The following HLCS variants were observed in gnomAD, a reference collection of about 807,000 sequenced individuals.
HLCS encodes the protein biotin--protein ligase.
Under a neutral mutation model 75.0 loss-of-function variants are expected in HLCS, and 53 were observed. The ratio of observed to expected loss-of-function variants is 0.71; its 90% CI spans 0.57 to 0.89. The LOEUF (loss-of-function observed/expected upper bound fraction) is 0.89. Among genes scored for constraint, HLCS ranks in the 40% least tolerant of loss-of-function variants. The pLI, the probability that HLCS is intolerant of heterozygous loss-of-function variation, is 0.00. For missense variants in HLCS, 966 were observed against 1,074.0 expected (o/e 0.90, Z 1.41); for synonymous variants, 431 against 428.6 (o/e 1.01, Z -0.07).
rs533325645 is a variant in HLCS at position 36,750,798 on chromosome 21, T to C, written c.*3448A>G. Reference sequence around the variant, plus strand: ...CTAAACTTAAGTATGACATATAAGATTAAAATCTTGGGGGGAAAAACTGTT... The same window carrying C: ...CTAAACTTAAGTATGACATATAAGACTAAAATCTTGGGGGGAAAAACTGTT... On this transcript the variant is annotated 3_prime_UTR_variant, in exon 11 of 11. Coordinates refer to ENST00000674895, the MANE Select transcript of HLCS (RefSeq NM_001352514.2). The C allele has an allele frequency of 2.0e-5, 3 of 151,068 alleles. No individual in the cohort carries two copies. The highest frequency in any genetic ancestry group is 4.9e-5 in the African/African-American group (2 of 40,936). 9.4% of individuals were successfully genotyped at this position (151,068 alleles called of 1,614,324 possible).
chr21:36,867,674 C>A (rs773312942), intron 6 of HLCS, among the ~76,000 whole-genome samples: 1 of 152,210 alleles, frequency 6.6e-6, no homozygotes, highest in Non-Finnish European at 1.5e-5. Context: ...CCCCTGTCAG[C>A]CTGGGTCTCT....
At position 36,756,576 on chromosome 21, in the gene HLCS, C is replaced by T. The variant is rs368124997; in HGVS notation, c.2416G>A (p.Val806Ile). Residue 806 changes from valine to isoleucine, a missense_variant, in exon 10 of 11, where the codon GTC becomes ATC. By Grantham distance (29) the Val-to-Ile change is conservative. Transcript: ENST00000674895. ...CAGTATCGGTAATAAAGGGGAAGGA[C>T]GCTGTTGGGCCCTTTGTCCTGAAAC... Reference protein sequence around the residue: ...KEFQDKGPNSVLPLYYRYWVH... With the variant: ...KEFQDKGPNSILPLYYRYWVH... 1.2e-4 allele frequency: 189 copies of T among 1,613,282 alleles called. No homozygotes were observed. Among genetic ancestry groups the T allele is most frequent in the Non-Finnish European group, 1.5e-4 (179 of 1,179,786 alleles).
chr21:36,932,060 G>T (rs2066672088), intron 4 of HLCS, among the ~76,000 whole-genome samples: 1 of 152,144 alleles, frequency 6.6e-6, no homozygotes, highest in African/African-American at 2.4e-5. Flanking sequence ...TCCTGGCCAG[G>T]GCTGACTCCC....
chr21:36,898,049 G>A (rs2065083323), intron 5 of HLCS, among the ~76,000 whole-genome samples: 1 of 152,166 alleles, frequency 6.6e-6, no homozygotes, highest in African/African-American at 2.4e-5. Flanking sequence ...TGGCATCAGA[G>A]ATGAAACTTA....
chr21:36,799,957 T>C (rs1258432085), intron 6 of HLCS, among the ~76,000 whole-genome samples: 1 of 152,180 alleles, frequency 6.6e-6, no homozygotes, highest in Admixed American at 6.5e-5. Context: ...AATGTAAACA[T>C]TTAGACACGC....
chr21:36,930,796 C>T (rs1272815257), intron 4 of HLCS, among the ~76,000 whole-genome samples: 1 of 152,158 alleles, frequency 6.6e-6, no homozygotes, highest in South Asian at 2.1e-4. Context: ...AGCATATAAA[C>T]TCTGAAGCTG....
At position 36,937,342 on chromosome 21, in the gene HLCS, T is replaced by C. The variant is rs766214957; in HGVS notation, c.544A>G (p.Asn182Asp). 1 of 1,614,044 alleles carries C rather than the reference T, an allele frequency of 6.2e-7. No homozygotes were observed. Among genetic ancestry groups the C allele is most frequent in the South Asian group, 1.1e-5 (1 of 91,076 alleles). Residue 182 changes from asparagine (N) to aspartate (D), a missense_variant, in exon 4 of 11, where the codon AAC becomes GAC. Asn to Asp is a conservative substitution (Grantham distance 23). Coordinates refer to ENST00000674895, the MANE Select transcript of HLCS (RefSeq NM_001352514.2). ...TLKEVKDQVS[N>D]KQAQILEPKP... ...GGCTCTAGGATCTGGGCTTGCTTGT[T>C]TGAGACCTGATCCTTAACTTCCTTC...
chr21:36,962,948 T>C (rs1245819579), intron 1 of HLCS, among the ~76,000 whole-genome samples: 1 of 152,110 alleles, frequency 6.6e-6, no homozygotes, highest in South Asian at 2.1e-4. Context: ...ACCTTCCTTA[T>C]AGTGAAATCA....
At chr21:36,777,896 T>C (rs1221459734) in intron 6 of HLCS, among the ~76,000 whole-genome samples, 1 of 152,256 alleles carries the variant, frequency 6.6e-6, no homozygotes, top group Non-Finnish European at 1.5e-5. Flanking sequence ...GATAAATCTA[T>C]TTCTCATGAA....
chr21:36,938,803 C>A (rs909821703), intron 3 of HLCS, 29 bp downstream of exon 3: 4 of 1,611,740 alleles, frequency 2.5e-6, no homozygotes, highest in Non-Finnish European at 3.4e-6. Context: ...TATGCCTGGC[C>A]AATAAAAACA....
chr21:36,886,999 A>C (rs1400907177), intron 6 of HLCS, among the ~76,000 whole-genome samples: 1 of 152,108 alleles, frequency 6.6e-6, no homozygotes, highest in African/African-American at 2.4e-5. Flanking sequence ...GTGTGGTGGC[A>C]CATGCCTGTA....
At chr21:36,792,038 A>T (rs546646485) in intron 6 of HLCS, among the ~76,000 whole-genome samples, 2 of 152,226 alleles carry the variant, frequency 1.3e-5, no homozygotes, top group Admixed American at 6.5e-5. Flanking sequence ...AGACAGGAAC[A>T]AGCGAGCTTT....
intron 6 of HLCS, among the ~76,000 whole-genome samples, chr21:36,845,982 ACCTC>A (rs2062785002): frequency 6.6e-6 from 1 of 152,158 alleles, no homozygotes; most frequent in Non-Finnish European, 1.5e-5. Flanking sequence ...TAGCTGAGTG[ACCTC>A]GAAGCCTCTG....
intron 2 of HLCS, among the ~76,000 whole-genome samples, chr21:36,956,515 T>G (rs1046571794): frequency 4.6e-5 from 7 of 151,978 alleles, no homozygotes; most frequent in Admixed American, 1.3e-4. Flanking sequence ...AATCACAAGG[T>G]CAGGAGATCA....
intron 6 of HLCS, among the ~76,000 whole-genome samples, chr21:36,839,219 C>G (rs2062530607): frequency 6.6e-6 from 1 of 152,194 alleles, no homozygotes. Context: ...CAATGGACAG[C>G]ATTAGCATGT....
chr21:36,900,793 C>G (rs778070224), intron 5 of HLCS, among the ~76,000 whole-genome samples: 1 of 152,126 alleles, frequency 6.6e-6, no homozygotes, highest in Non-Finnish European at 1.5e-5. Flanking sequence ...GATTTGCTAA[C>G]AAGTCATATC....
chr21:36,954,570 G>T (rs921600028), intron 2 of HLCS, among the ~76,000 whole-genome samples: 1 of 146,998 alleles, frequency 6.8e-6, no homozygotes, highest in South Asian at 2.2e-4. Flanking sequence ...GAGCCGAGAT[G>T]CGCCACTGCA....
intron 6 of HLCS, among the ~76,000 whole-genome samples, chr21:36,824,410 G>A (rs2061944587): frequency 6.6e-6 from 1 of 152,114 alleles, no homozygotes; most frequent in South Asian, 2.1e-4. Flanking sequence ...TGGACACAGG[G>A]AGGGGAATAA....
In HLCS at chr21:36,937,432, A is replaced by C. The variant is rs781500504; in HGVS notation, c.494-40T>G. ...GGAGAGAGAGACAGAAAATTAATCA[A>C]CACTTCTTGTATGACACATAGCTCA... On this transcript the variant is annotated intron_variant, in intron 3 of 10. Coordinates refer to ENST00000674895, the MANE Select transcript of HLCS (RefSeq NM_001352514.2). 3 of 1,509,868 alleles carry C rather than the reference A, an allele frequency of 2.0e-6. No individual in the cohort carries two copies. The East Asian group carries it at 6.8e-5, about 34-fold the overall frequency. The allele number at this position is 1,509,868 out of a possible 1,614,324, so 93.5% of individuals were successfully genotyped here.
Sources: gnomAD v4.1 joint callset for allele counts (sites outside exome capture counted in the v4.1 genomes callset) on GRCh38, gnomAD v4.1.1 for gene constraint, MANE v1.5 for transcripts, NCBI Gene and HGNC (gene_info 2026-07-23, HGNC 2026-07-21) for gene names.